SERPINA10: variants seen among roughly 807,000 people sequenced by gnomAD.
SERPINA10 encodes serpin family A member 10.
SERPINA10 carries 24 observed loss-of-function variants against 28.0 expected under a neutral mutation model. That is an observed-to-expected ratio of 0.86 (90% CI 0.62 to 1.20). SERPINA10 has a LOEUF of 1.20. SERPINA10 is among the 50% of genes most tolerant of loss of function. The pLI, the probability that SERPINA10 is intolerant of heterozygous loss-of-function variation, is 0.00. For missense variants in SERPINA10, 521 were observed against 537.7 expected, an observed-to-expected ratio of 0.97 and a Z score of 0.31; for synonymous variants, 207 against 203.9, an observed-to-expected ratio of 1.02 and a Z score of -0.13.
intron 1 of SERPINA10, chr14:94,292,493 A>C: frequency 3.0e-6 from 2 of 667,522 alleles, no homozygotes; most frequent in Non-Finnish European, 5.5e-6. Flanking sequence ...GCTACTTTCT[A>C]CATTAAGACC....
chr14:94,289,995 T>C lies in SERPINA10; in HGVS notation c.599A>G (p.Gln200Arg). The change falls in exon 2 of 5, where the codon CAG (glutamine) becomes CGG (arginine). Residue 200 changes from glutamine to arginine, a missense_variant. By Grantham distance (43) the Gln-to-Arg change is conservative. Coordinates refer to ENST00000261994, the MANE Select transcript of SERPINA10 (RefSeq NM_001100607.3). The stretch of plus-strand genomic sequence containing the variant: ...GTAATGATTCATGAGCCTTTTGGCC[T>C]GTGAGGCATTGCGAAAATTCATAGG... ...CVPMNFRNAS[Q>R]AKRLMNHYIN... 6.2e-7 allele frequency: 1 copy of C among 1,614,266 alleles called. No homozygotes were observed. The highest frequency in any genetic ancestry group is 8.5e-7 in the Non-Finnish European group (1 of 1,180,034).
intron 4 of SERPINA10, among the ~76,000 whole-genome samples, 162 bp downstream of exon 4, chr14:94,285,945 AT>A (rs1383361995): frequency 6.6e-6 from 1 of 152,238 alleles, no homozygotes; most frequent in Non-Finnish European, 1.5e-5. Context: ...GTTGCTTGAA[AT>A]TCTTAAAACA....
At position 94,284,085 on chromosome 14, in the gene SERPINA10, A is replaced by T. The variant is rs1566716654; in HGVS notation, c.1215T>A (p.Ile405=). The T allele has an allele frequency of 1.2e-6, 2 of 1,614,202 alleles. No homozygotes were observed. The highest frequency in any genetic ancestry group is 2.2e-5 in the East Asian group (1 of 44,892). ...TEAVAGILSE[I]TAYSMPPVIK... ...TGACAGGAGGCATGGAATAAGCAGT[A>T]ATTTCTGACAAGATTCCTGCCACTG... Residue 405 remains isoleucine, a synonymous_variant, in exon 5 of 5, where the codon ATT becomes ATA. Transcript: ENST00000261994.
At chr14:94,284,367 A>G (rs764927987) in intron 4 of SERPINA10, among the ~76,000 whole-genome samples, 3 of 152,292 alleles carry the variant, frequency 2.0e-5, no homozygotes, top group Middle Eastern at 3.4e-3. Context: ...GACCTCAGGA[A>G]CCCAATGTGA....
At position 94,290,003 on chromosome 14, in the gene SERPINA10, A is replaced by G; in HGVS notation, c.591T>C (p.Asn197=). Residue 197 remains asparagine (N), a synonymous_variant, in exon 2 of 5, where the codon AAT becomes AAC. Coordinates refer to ENST00000261994, the MANE Select transcript of SERPINA10 (RefSeq NM_001100607.3). ...TCATGAGCCTTTTGGCCTGTGAGGCATTGCGAAAATTCATAGGCACGCACT... is the reference window on the plus strand; with the variant it reads ...TCATGAGCCTTTTGGCCTGTGAGGCGTTGCGAAAATTCATAGGCACGCACT... ...DTECVPMNFR[N]ASQAKRLMNH... 6.2e-7 allele frequency: 1 copy of G among 1,614,244 alleles called. No individual in the cohort carries two copies. Among genetic ancestry groups the G allele is most frequent in the Non-Finnish European group, 8.5e-7 (1 of 1,180,038 alleles).
In SERPINA10 at chr14:94,291,348, C is replaced by T. The variant is rs373295158; in HGVS notation, c.-50-705G>A. Among the ~76,000 whole-genome samples, 15 of 152,312 alleles carry T rather than the reference C, an allele frequency of 9.8e-5. No homozygotes were observed. The East Asian group carries it at 2.7e-3, about 27-fold the overall frequency. On this transcript the variant is annotated intron_variant, in intron 1 of 4. Coordinates refer to ENST00000261994, the MANE Select transcript of SERPINA10 (RefSeq NM_001100607.3). ...GCCCTCAGCCACCTGGGCTGCATGCCGGTTCTCACTGTCCTAGGCTGCAGT... is the reference window on the plus strand; with the variant it reads ...GCCCTCAGCCACCTGGGCTGCATGCTGGTTCTCACTGTCCTAGGCTGCAGT...
intron 4 of SERPINA10, among the ~76,000 whole-genome samples, chr14:94,284,833 C>T (rs1894982043): frequency 6.6e-6 from 1 of 152,148 alleles, no homozygotes; most frequent in African/African-American, 2.4e-5. Flanking sequence ...CCAGGAAATT[C>T]CCTGATTTCC....
intron 4 of SERPINA10, 145 bp from the exon 5 acceptor site, chr14:94,284,301 G>T (rs759885372): frequency 9.3e-5 from 72 of 773,392 alleles, no homozygotes; most frequent in Non-Finnish European, 1.4e-4. Flanking sequence ...TACGTTAAGA[G>T]GAGTGGTCTG....
Position 94,280,976 on chromosome 14 carries a change from A to G in SERPINA10, c.*2989T>C, listed in dbSNP as rs2139686092. On this transcript the variant is annotated 3_prime_UTR_variant, in exon 5 of 5. Transcript: ENST00000261994. ...CAGTTTTGCCATACAATTAGTGGATATATGAGAAATCTTTGAATTGAAATG... is the reference window on the plus strand; with the variant it reads ...CAGTTTTGCCATACAATTAGTGGATGTATGAGAAATCTTTGAATTGAAATG... The G allele has an allele frequency of 6.6e-6, 1 of 152,346 alleles. No homozygotes were observed. The highest frequency in any genetic ancestry group is 6.5e-5 in the Admixed American group (1 of 15,306). The allele number at this position is 152,346 out of a possible 1,614,324, so 9.4% of individuals were successfully genotyped here. A position where few individuals can be genotyped will look rare whatever the true frequency, so the allele number is the denominator to read the frequency against.
Position 94,290,088 on chromosome 14 carries a change from T to C in SERPINA10, c.506A>G (p.His169Arg), listed in dbSNP as rs747885594. 3.1e-6 allele frequency: 5 copies of C among 1,614,224 alleles called. No homozygotes were observed. In the South Asian group the frequency reaches 4.4e-5, roughly 14 times the overall value. ...GLTQGSFAFIHKDFDVKETFF... is the reference protein window; with the variant it reads ...GLTQGSFAFIRKDFDVKETFF... Reference sequence around the variant, plus strand: ...AGTCTCTTTGACATCAAAATCCTTGTGGATGAAGGCAAAACTCCCCTGTGT... The same window carrying C: ...AGTCTCTTTGACATCAAAATCCTTGCGGATGAAGGCAAAACTCCCCTGTGT... The change falls in exon 2 of 5, where the codon CAC (histidine) becomes CGC (arginine). Residue 169 changes from histidine (H) to arginine (R), a missense_variant. By Grantham distance (29) the His-to-Arg change is conservative. Transcript: ENST00000261994.
intron 4 of SERPINA10, among the ~76,000 whole-genome samples, chr14:94,285,687 G>A (rs1391782851): frequency 2.0e-5 from 3 of 152,042 alleles, no homozygotes; most frequent in Admixed American, 6.6e-5. Flanking sequence ...AGAGAAGTTG[G>A]AGGGCTATTT....
In SERPINA10 at chr14:94,288,391, G is replaced by T; in HGVS notation, c.887C>A (p.Ala296Asp). 1 of 1,614,116 alleles carries T rather than the reference G, an allele frequency of 6.2e-7. No individual in the cohort carries two copies. The highest frequency in any genetic ancestry group is 8.5e-7 in the Non-Finnish European group (1 of 1,180,020). ...CTCCATGAGGACCACCAGCATGGTG[G>T]CATTTCCTTGGTAGGGCAGTTTGAG... is the stretch of plus-strand genomic sequence containing the variant. ...HVLKLPYQGNATMLVVLMEKM... is the reference protein window; with the variant it reads ...HVLKLPYQGNDTMLVVLMEKM... Residue 296 changes from alanine to aspartate, a missense_variant, in exon 3 of 5, where the codon GCC (alanine) becomes GAC (aspartate). Transcript: ENST00000261994.
Position 94,289,984 on chromosome 14 carries a change from G to T in SERPINA10, c.610C>A (p.Leu204Ile). 1 of 1,614,244 alleles carries T rather than the reference G, an allele frequency of 6.2e-7. No homozygotes were observed. The highest frequency in any genetic ancestry group is 8.5e-7 in the Non-Finnish European group (1 of 1,180,042). The change falls in exon 2 of 5, where the codon CTC becomes ATC. Residue 204 changes from leucine to isoleucine, a missense_variant. By Grantham distance (5) the Leu-to-Ile change is conservative. Transcript: ENST00000261994. The stretch of plus-strand genomic sequence containing the variant: ...TCTTTGTTAATGTAATGATTCATGA[G>T]CCTTTTGGCCTGTGAGGCATTGCGA... ...NFRNASQAKR[L>I]MNHYINKETR...
At chr14:94,291,666 C>T (rs1483074911) in intron 1 of SERPINA10, among the ~76,000 whole-genome samples, 2 of 152,214 alleles carry the variant, frequency 1.3e-5, no homozygotes, top group Non-Finnish European at 2.9e-5. Context: ...GGTAGGCCAC[C>T]CAGCCCAGTG....
Position 94,284,619 on chromosome 14 carries a change from G to T in SERPINA10, c.1144-463C>A, listed in dbSNP as rs555754339. Among the ~76,000 whole-genome samples, 11 of 152,226 alleles carry T rather than the reference G, an allele frequency of 7.2e-5. No homozygotes were observed. In the South Asian group the frequency reaches 8.3e-4, roughly 11 times the overall value. On this transcript the variant is annotated intron_variant, in intron 4 of 4. Transcript: ENST00000261994. Reference sequence around the variant, plus strand: ...TTCTGTAGCAGCTTCCCAGCACCTGGTACTACTCTGAGGCATTTTTCTGGG... The same window carrying T: ...TTCTGTAGCAGCTTCCCAGCACCTGTTACTACTCTGAGGCATTTTTCTGGG...
intron 4 of SERPINA10, among the ~76,000 whole-genome samples, chr14:94,285,408 A>G (rs1216319581): frequency 6.6e-6 from 1 of 152,006 alleles, no homozygotes; most frequent in Non-Finnish European, 1.5e-5. Flanking sequence ...AGATAGAACT[A>G]GGACCAAAAA....
chr14:94,292,946 C>T (rs1895216043), intron 1 of SERPINA10: 1 of 467,110 alleles, frequency 2.1e-6, no homozygotes, highest in Admixed American at 3.2e-5. Flanking sequence ...AATATCAAGC[C>T]TTTCAAGCCT....
chr14:94,281,472 A>C lies in SERPINA10; in HGVS notation c.*2493T>G, dbSNP rs911936425. Reference sequence around the variant, plus strand: ...AAAAACAAAAACAAAAACTCGACACATATATAGTGAAGACTTCTACAATGT... The same window carrying C: ...AAAAACAAAAACAAAAACTCGACACCTATATAGTGAAGACTTCTACAATGT... On this transcript the variant is annotated 3_prime_UTR_variant, in exon 5 of 5. Transcript: ENST00000261994. 1.3e-5 allele frequency: 2 copies of C among 152,194 alleles called. No individual in the cohort carries two copies. The highest frequency in any genetic ancestry group is 2.4e-5 in the African/African-American group (1 of 41,426). 9.4% of individuals were successfully genotyped at this position (152,194 alleles called of 1,614,324 possible).
intron 4 of SERPINA10, among the ~76,000 whole-genome samples, chr14:94,285,584 T>C (rs1293146950): frequency 6.6e-6 from 1 of 151,724 alleles, no homozygotes; most frequent in African/African-American, 2.4e-5. Flanking sequence ...TACACACATA[T>C]ATATATATAC....
Sources: gnomAD v4.1 joint callset for allele counts (sites outside exome capture counted in the v4.1 genomes callset) on GRCh38, gnomAD v4.1.1 for gene constraint, MANE v1.5 for transcripts, NCBI Gene and HGNC (gene_info 2026-07-23, HGNC 2026-07-21) for gene names.